Variants in ACSM4 observed in about 807,000 individuals in gnomAD.
ACSM4 encodes acyl-coenzyme A synthetase ACSM4, mitochondrial.
Under a neutral mutation model 73.0 loss-of-function variants are expected in ACSM4, and 66 were observed. The ratio of observed to expected loss-of-function variants is 0.90; its 90% CI spans 0.74 to 1.11. The LOEUF (loss-of-function observed/expected upper bound fraction) is 1.11. Ranked by LOEUF, ACSM4 falls within the 50% of genes least tolerant of loss-of-function variation. The pLI is 0.00. For synonymous variants in ACSM4, 222 were observed against 254.0 expected (o/e 0.87, Z 1.20); for missense variants, 645 against 714.4 (o/e 0.90, Z 1.11).
chr12:7,322,574 G>A (rs1946472111), intron 7 of ACSM4, 33 bp downstream of exon 7: 1 of 1,578,098 alleles, frequency 6.3e-7, no homozygotes, highest in South Asian at 1.2e-5. Context: ...TTTAGTATAT[G>A]TGGGGGCCTT....
chr12:7,322,644 T>C (rs1946473074), intron 7 of ACSM4, 103 bp downstream of exon 7: 3 of 1,429,544 alleles, frequency 2.1e-6, no homozygotes, highest in Non-Finnish European at 2.8e-6. Context: ...TAAATTTTTA[T>C]AGAGTTTCCC....
intron 3 of ACSM4, among the ~76,000 whole-genome samples, chr12:7,315,190 C>T (rs1946414020): frequency 2.1e-5 from 3 of 144,626 alleles, no homozygotes; most frequent in African/African-American, 5.1e-5. Flanking sequence ...AGTAAAACTC[C>T]GTCTCAAAAA....
intron 2 of ACSM4, among the ~76,000 whole-genome samples, chr12:7,308,465 A>G (rs1946372827): frequency 6.6e-6 from 1 of 152,216 alleles, no homozygotes; most frequent in Admixed American, 6.5e-5. Flanking sequence ...TATATCACAT[A>G]GCAAAATATT....
intron 2 of ACSM4, 102 bp downstream of exon 2, chr12:7,306,845 G>C: frequency 4.0e-4 from 134 of 332,630 alleles, no homozygotes; most frequent in Middle Eastern, 8.3e-4. Flanking sequence ...GCATACAGAA[G>C]ACAAAAAAAA....
chr12:7,306,964 TAAG>T (rs1348759088), intron 2 of ACSM4, among the ~76,000 whole-genome samples: 1 of 152,008 alleles, frequency 6.6e-6, no homozygotes, highest in African/African-American at 2.4e-5. Context: ...AGGCTCAGGT[TAAG>T]AAGCTTGCCG....
chr12:7,319,525 G>T lies in ACSM4; in HGVS notation c.922-1200G>T, dbSNP rs190878587. Among the ~76,000 whole-genome samples, 9 of 149,960 alleles carry T rather than the reference G, an allele frequency of 6.0e-5. No individual in the cohort carries two copies. The East Asian group carries it at 1.2e-3, about 20-fold the overall frequency. ...GAATTGCTTGAATCTGGGAGGCAGAGGTTGCAGTGAGCCGAGATCACACTA... is the reference window on the plus strand; with the variant it reads ...GAATTGCTTGAATCTGGGAGGCAGATGTTGCAGTGAGCCGAGATCACACTA... On this transcript the variant is annotated intron_variant, in intron 5 of 12. Coordinates refer to ENST00000399422, the MANE Select transcript of ACSM4 (RefSeq NM_001080454.2).
rs775501010 is a variant in ACSM4, at chr12:7,317,272, C to T, written c.756C>T (p.Leu252=). The T allele has an allele frequency of 1.7e-5, 26 of 1,567,424 alleles. No individual in the cohort carries two copies. In the South Asian group the frequency reaches 1.9e-4, roughly 11 times the overall value. ...SQSSLGIGFT[L]CGRYWLDLKS... is the part of the protein sequence containing the mutation. ...GCAGCCTCGGCATTGGGTTCACCCTCTGCGGAAGGTAGGGAAGAAAATTCA... is the reference window on the plus strand; with the variant it reads ...GCAGCCTCGGCATTGGGTTCACCCTTTGCGGAAGGTAGGGAAGAAAATTCA... The change falls in exon 4 of 13, where the codon CTC becomes CTT. Residue 252 remains leucine (L), a synonymous_variant. Transcript: ENST00000399422.
intron 10 of ACSM4, 26 bp from the exon 11 acceptor site, chr12:7,324,473 G>C (rs763809925): frequency 1.9e-5 from 30 of 1,613,868 alleles, no homozygotes; most frequent in Non-Finnish European, 2.5e-5. Flanking sequence ...AGGATGTGGT[G>C]GTCAAAAACT....
At chr12:7,311,354 T>G (rs905348857) in intron 3 of ACSM4, among the ~76,000 whole-genome samples, 3 of 151,990 alleles carry the variant, frequency 2.0e-5, no homozygotes, top group African/African-American at 7.3e-5. Context: ...CTCCCACCAC[T>G]CTCCCTTTTC....
intron 1 of ACSM4, 109 bp downstream of exon 1, chr12:7,304,641 C>T: frequency 8.6e-7 from 1 of 1,167,414 alleles, no homozygotes. Flanking sequence ...CTCTCACCCT[C>T]TTGGTTTCCT....
rs201457643 is a variant in ACSM4, at chr12:7,327,004, C to T, written c.1565C>T (p.Ala522Val). 3 of 1,612,120 alleles carry T rather than the reference C, an allele frequency of 1.9e-6. No individual in the cohort carries two copies. The highest frequency in any genetic ancestry group is 2.2e-5 in the East Asian group (1 of 44,792). ...GTGAAAGCTTTTGTTGTCTTAGCTG[C>T]ACCCTTTAAGTCCTACAACCCAGAG... Reference protein sequence around the residue: ...EVVKAFVVLAAPFKSYNPEKL... With the variant: ...EVVKAFVVLAVPFKSYNPEKL... The change falls in exon 12 of 13, where the codon GCA (alanine) becomes GTA (valine). Residue 522 changes from alanine (A) to valine (V), a missense_variant. By Grantham distance (64) the Ala-to-Val change is moderately conservative. Transcript: ENST00000399422.
At chr12:7,313,706 C>T (rs1946403001) in intron 3 of ACSM4, among the ~76,000 whole-genome samples, 1 of 152,054 alleles carries the variant, frequency 6.6e-6, no homozygotes, top group Non-Finnish European at 1.5e-5. Context: ...GATGGTGTTC[C>T]AAGCACGGGA....
At chr12:7,311,199 G>T (rs190136241) in intron 3 of ACSM4, among the ~76,000 whole-genome samples, 218 of 151,706 alleles carry the variant, frequency 1.4e-3, no homozygotes, top group East Asian at 4.6e-3. Context: ...TAAAATAAAA[G>T]AAAAGAAAAA....
chr12:7,324,598 G>C lies in ACSM4; in HGVS notation c.1536G>C (p.Glu512Asp), dbSNP rs1946490096. The change falls in exon 11 of 13, where the codon GAG becomes GAC. Residue 512 changes from glutamate (E) to aspartate (D), a missense_variant and splice_region_variant. Coordinates refer to ENST00000399422, the MANE Select transcript of ACSM4 (RefSeq NM_001080454.2). ...VVSSPDQIRG[E>D]VVKAFVVLAA... The stretch of plus-strand genomic sequence containing the variant: ...GTAGTCCAGATCAAATCCGCGGAGA[G>C]GTAGATGAATGTCATTTATTAAAGA... The C allele has an allele frequency of 6.2e-7, 1 of 1,613,726 alleles. No homozygotes were observed. Among genetic ancestry groups the C allele is most frequent in the Non-Finnish European group, 8.5e-7 (1 of 1,179,698 alleles).
chr12:7,310,058 A>G (rs1192126807), intron 2 of ACSM4, among the ~76,000 whole-genome samples: 1 of 152,200 alleles, frequency 6.6e-6, no homozygotes, highest in African/African-American at 2.4e-5. Flanking sequence ...AAGTGCTGGG[A>G]TTACAGGCCC....
At chr12:7,309,658 C>A (rs935440167) in intron 2 of ACSM4, among the ~76,000 whole-genome samples, 2 of 152,166 alleles carry the variant, frequency 1.3e-5, no homozygotes, top group Non-Finnish European at 2.9e-5. Flanking sequence ...CTGCCTTGGC[C>A]ACCGAATGCA....
At chr12:7,324,832 TA>T (rs34818475) in intron 11 of ACSM4, among the ~76,000 whole-genome samples, 15,605 of 136,172 alleles carry the variant, frequency 0.11, 774 homozygotes, top group East Asian at 0.19. Flanking sequence ...TGCCTTAAGT[TA>T]AAAAAAAAAA....
intron 1 of ACSM4, among the ~76,000 whole-genome samples, chr12:7,305,314 A>T (rs1946356069): frequency 6.6e-6 from 1 of 152,204 alleles, no homozygotes; most frequent in Non-Finnish European, 1.5e-5. Flanking sequence ...GGCAAGTGGT[A>T]ATAATTGTCC....
chr12:7,322,557 A>T lies in ACSM4; in HGVS notation c.1125+16A>T. The T allele has an allele frequency of 1.2e-6, 2 of 1,607,580 alleles. No homozygotes were observed. Reference sequence around the variant, plus strand: ...GACGGAAGTGGTATATCTAAAGGGCATTTATGTTTAGTATATGTGGGGGCC... The same window carrying T: ...GACGGAAGTGGTATATCTAAAGGGCTTTTATGTTTAGTATATGTGGGGGCC... On this transcript the variant is annotated intron_variant, in intron 7 of 12. Coordinates refer to ENST00000399422, the MANE Select transcript of ACSM4 (RefSeq NM_001080454.2).
Sources: allele counts gnomAD v4.1 joint callset (sites outside exome capture counted in the v4.1 genomes callset), GRCh38; gene constraint gnomAD v4.1.1; transcripts MANE v1.5; gene names NCBI Gene and HGNC (gene_info 2026-07-23, HGNC 2026-07-21).